RPL13: variants seen among roughly 807,000 people sequenced by gnomAD.
The protein encoded by RPL13 is large ribosomal subunit protein eL13.
RPL13 carries 1 observed loss-of-function variant against 21.4 expected under a neutral mutation model. That is an observed-to-expected ratio of 0.05 (90% CI 0.02 to 0.22). The LOEUF (loss-of-function observed/expected upper bound fraction) is 0.22. Ranked by LOEUF, RPL13 falls within the 10% of genes least tolerant of loss-of-function variation. The pLI is 1.00. For missense variants in RPL13, 289 were observed against 303.0 expected (o/e 0.95, Z 0.34); for synonymous variants, 143 against 120.5 (o/e 1.19, Z -1.23).
chr16:89,561,976 T>C (rs1243723983), intron 4 of RPL13: 2 of 607,216 alleles, frequency 3.3e-6, no homozygotes, highest in Non-Finnish European at 5.7e-6. Flanking sequence ...CCATTGACGT[T>C]GCTCTCCCTA....
intron 4 of RPL13, chr16:89,562,008 A>G (rs1290975574): frequency 1.7e-6 from 1 of 589,316 alleles, no homozygotes; most frequent in Non-Finnish European, 3.0e-6. Flanking sequence ...ATTCCAAAAT[A>G]TTTCTAGAAA....
Position 89,561,051 on chromosome 16 carries a change from G to A in RPL13, c.92G>A (p.Arg31His), listed in dbSNP as rs373447378. The change falls in exon 2 of 6, where the codon CGT becomes CAT. Residue 31 changes from arginine to histidine, a missense_variant. Arg to His is a conservative substitution (Grantham distance 29). Transcript: ENST00000311528. ...GCCACGTGGTTCAACCAGCCGGCCC[G>A]TAAGATCCGCAGGTGAGCCCTGCGC... ...RVATWFNQPA[R>H]KIRRRKARQA... is the part of the protein sequence containing the mutation. The A allele has an allele frequency of 2.9e-5, 47 of 1,606,354 alleles. No individual in the cohort carries two copies. Among genetic ancestry groups the A allele is most frequent in the Non-Finnish European group, 3.8e-5 (45 of 1,177,908 alleles).
Position 89,561,361 on chromosome 16 carries a change from A to C in RPL13, c.239A>C (p.Glu80Ala). 1 of 1,607,420 alleles carries C rather than the reference A, an allele frequency of 6.2e-7. No homozygotes were observed. The highest frequency in any genetic ancestry group is 8.5e-7 in the Non-Finnish European group (1 of 1,179,674). ...GCCGGCCGCGGCTTCAGCCTGGAGG[A>C]GCTCAGGGTGAGTACTGGCAGCGCT... The part of the protein sequence containing the change: ...VRAGRGFSLE[E>A]LRVAGIHKKV... Residue 80 changes from glutamate (E) to alanine (A), a missense_variant, in exon 3 of 6, where the codon GAG becomes GCG. Coordinates refer to ENST00000311528, the MANE Select transcript of RPL13 (RefSeq NM_000977.4).
rs1427435496 is a variant in RPL13, at chr16:89,563,891, C to T, written c.*849C>T. 1 of 152,228 alleles carries T rather than the reference C, an allele frequency of 6.6e-6. No individual in the cohort carries two copies. The highest frequency in any genetic ancestry group is 1.5e-5 in the Non-Finnish European group (1 of 68,046). 9.4% of individuals were successfully genotyped at this position (152,228 alleles called of 1,614,324 possible). On this transcript the variant is annotated 3_prime_UTR_variant, in exon 6 of 6. Transcript: ENST00000311528. ...CCAGACACCAAGGTATGAGATGGCCCTGCCAAGTGTCGGCCTCTCCTGTTA... is the reference window on the plus strand; with the variant it reads ...CCAGACACCAAGGTATGAGATGGCCTTGCCAAGTGTCGGCCTCTCCTGTTA...
At chr16:89,565,753 C>T (rs762243933), downstream of RPL13, 9 of 152,306 alleles carry the variant, frequency 5.9e-5, 1 homozygote, top group East Asian at 5.8e-4. Flanking sequence ...TGTGCCAGGC[C>T]GCAGACAGGT....
In RPL13 at chr16:89,562,160, G is replaced by A. The variant is rs1400937207; in HGVS notation, c.421-175G>A. ...TGTTGCGTCAACTCAGTAAGATATA[G>A]TCACCTAACTAATAAGGACTGTTCT... On this transcript the variant is annotated intron_variant, in intron 4 of 5. Coordinates refer to ENST00000311528, the MANE Select transcript of RPL13 (RefSeq NM_000977.4). The A allele has an allele frequency of 5.5e-5, 36 of 658,948 alleles. No individual in the cohort carries two copies. In the Admixed American group the frequency reaches 1.1e-3, roughly 20 times the overall value. The allele number at this position is 658,948 out of a possible 1,614,324, so 40.8% of individuals were successfully genotyped here.
chr16:89,563,106 G>C lies in RPL13; in HGVS notation c.*64G>C, dbSNP rs537470168. ...TGGGTCTCCACGTGGTGTGTTTCGT[G>C]GGAACAACTGGGCCTGGGATGGGGC... On this transcript the variant is annotated 3_prime_UTR_variant, in exon 6 of 6. Coordinates refer to ENST00000311528, the MANE Select transcript of RPL13 (RefSeq NM_000977.4). 7.3e-7 allele frequency: 1 copy of C among 1,376,556 alleles called. No individual in the cohort carries two copies. Among genetic ancestry groups the C allele is most frequent in the African/African-American group, 1.5e-5 (1 of 67,242 alleles). The allele number at this position is 1,376,556 out of a possible 1,614,324, so 85.3% of individuals were successfully genotyped here.
chr16:89,565,186 C>T (rs78794961), downstream of RPL13: 1 of 152,248 alleles, frequency 6.6e-6, no homozygotes, highest in Admixed American at 6.6e-5. Context: ...TGGGCTTTCT[C>T]TGTTGTCTGG....
chr16:89,562,293 C>T, intron 4 of RPL13, 42 bp from the exon 5 acceptor site: 1 of 1,598,378 alleles, frequency 6.3e-7, no homozygotes, highest in African/African-American at 1.3e-5. Flanking sequence ...GTCCTTGCAG[C>T]AGTGCGGCCA....
chr16:89,562,093 C>T, intron 4 of RPL13: 5 of 590,902 alleles, frequency 8.5e-6, no homozygotes, highest in South Asian at 4.3e-5. Context: ...ACAGTTTTCT[C>T]TGCCCCGCCC....
chr16:89,561,071 C>G lies in RPL13; in HGVS notation c.104+8C>G. On this transcript the variant is annotated splice_region_variant and intron_variant, in intron 2 of 5. Transcript: ENST00000311528. The stretch of plus-strand genomic sequence containing the variant: ...GGCCCGTAAGATCCGCAGGTGAGCC[C>G]TGCGCTCGGGGCTGCCCCTGGGGCT... 1 of 1,601,820 alleles carries G rather than the reference C, an allele frequency of 6.2e-7. No homozygotes were observed. Among genetic ancestry groups the G allele is most frequent in the African/African-American group, 1.4e-5 (1 of 73,498 alleles).
rs535468689 is a variant in RPL13 at position 89,561,362 on chromosome 16, G to C, written c.240G>C (p.Glu80Asp). The change falls in exon 3 of 6, where the codon GAG (glutamate) becomes GAC (aspartate). Residue 80 changes from glutamate (E) to aspartate (D), a missense_variant. Coordinates refer to ENST00000311528, the MANE Select transcript of RPL13 (RefSeq NM_000977.4). ...VRAGRGFSLEELRVAGIHKKV... is the reference protein window; with the variant it reads ...VRAGRGFSLEDLRVAGIHKKV... ...CCGGCCGCGGCTTCAGCCTGGAGGAGCTCAGGGTGAGTACTGGCAGCGCTG... is the reference window on the plus strand; with the variant it reads ...CCGGCCGCGGCTTCAGCCTGGAGGACCTCAGGGTGAGTACTGGCAGCGCTG... 6.2e-7 allele frequency: 1 copy of C among 1,607,678 alleles called. No individual in the cohort carries two copies. Among genetic ancestry groups the C allele is most frequent in the South Asian group, 1.1e-5 (1 of 90,934 alleles).
At chr16:89,566,169 G>A (rs184170703), downstream of RPL13, 3 of 126,032 alleles carry the variant, frequency 2.4e-5, no homozygotes, top group Non-Finnish European at 5.4e-5. Flanking sequence ...GTGCCCACGG[G>A]GGTCATGGGG....
intron 4 of RPL13, 27 bp from the exon 5 acceptor site, chr16:89,562,308 C>T (rs1157330215): frequency 1.9e-6 from 3 of 1,612,772 alleles, no homozygotes; most frequent in Admixed American, 3.3e-5. Context: ...CGGCCAACCC[C>T]ACTTAACTCT....
rs374143560 is a variant in RPL13 at position 89,563,061 on chromosome 16, G to T, written c.*19G>T. 2 of 1,488,884 alleles carry T rather than the reference G, an allele frequency of 1.3e-6. No homozygotes were observed. Among genetic ancestry groups the T allele is most frequent in the African/African-American group, 2.9e-5 (2 of 69,584 alleles). 92.2% of individuals were successfully genotyped at this position (1,488,884 alleles called of 1,614,324 possible). A position where few individuals can be genotyped will look rare whatever the true frequency, so the allele number is the denominator to read the frequency against. ...AAAATAAAGCCCTCCTGGGGACTTG[G>T]AATCAGTCGGCAGTCATGCTGGGTC... On this transcript the variant is annotated 3_prime_UTR_variant, in exon 6 of 6. Coordinates refer to ENST00000311528, the MANE Select transcript of RPL13 (RefSeq NM_000977.4).
rs763325864 is a variant in RPL13 at position 89,561,637 on chromosome 16, G to A, written c.306G>A (p.Arg102=). 2 of 1,613,738 alleles carry A rather than the reference G, an allele frequency of 1.2e-6. No homozygotes were observed. The highest frequency in any genetic ancestry group is 1.7e-6 in the Non-Finnish European group (2 of 1,180,052). The part of the protein sequence containing the change: ...RTIGISVDPR[R]RNKSTESLQA... ...TCGGCATTTCTGTGGATCCGAGGAG[G>A]CGGAACAAGTCCACGGAGTCCCTGC... is the stretch of plus-strand genomic sequence containing the variant. Residue 102 remains arginine, a synonymous_variant, in exon 4 of 6, where the codon AGG becomes AGA. Transcript: ENST00000311528.
At chr16:89,565,292 G>GCTGGGCTGGGCTGGGCTGGGCTGGC (rs2058778085), downstream of RPL13, 1 of 144,152 alleles carries the variant, frequency 6.9e-6, no homozygotes, top group Non-Finnish European at 1.5e-5. Context: ...TGTGGGCTGG[G>GCTGGGCTGGGCTGGGCTGGGCTGGC]CTGGGCTGGG....
chr16:89,565,942 TGTG>T (rs1436721892), downstream of RPL13: 2 of 152,316 alleles, frequency 1.3e-5, no homozygotes, highest in Non-Finnish European at 2.9e-5. Flanking sequence ...GCCACGAGCT[TGTG>T]GTCTGCTGCC....
intron 2 of RPL13, 38 bp downstream of exon 2, chr16:89,561,101 C>A: frequency 6.4e-7 from 1 of 1,568,120 alleles, no homozygotes; most frequent in South Asian, 1.2e-5. Flanking sequence ...GGGGCTCGTG[C>A]CCGCGGCTGC....
Sources: allele counts gnomAD v4.1 joint callset, GRCh38; gene constraint gnomAD v4.1.1; transcripts MANE v1.5; gene names NCBI Gene and HGNC (gene_info 2026-07-23, HGNC 2026-07-21).